The following OXR1 variants were observed in gnomAD, a reference collection of about 807,000 sequenced individuals.
The protein encoded by OXR1 is oxidation resistance protein 1.
A neutral mutation model predicts 104.6 loss-of-function variants in OXR1; 41 were observed. The ratio of observed to expected loss-of-function variants is 0.39; its 90% CI spans 0.31 to 0.51. The LOEUF is 0.51. Among genes scored for constraint, OXR1 ranks in the 20% least tolerant of loss-of-function variants. The pLI is 0.77. For synonymous variants in OXR1, 348 were observed against 348.4 expected, an observed-to-expected ratio of 1.00 and a Z score of 0.01; for missense variants, 955 against 1,031.9, an observed-to-expected ratio of 0.93 and a Z score of 1.02.
intron 1 of OXR1, among the ~76,000 whole-genome samples, chr8:106,321,390 G>C (rs9297379): frequency 0.33 from 49,925 of 151,984 alleles, 10,889 homozygotes; most frequent in African/African-American, 0.63. Flanking sequence ...GACAGTGGAC[G>C]TGTGACTGGT....
intron 2 of OXR1, among the ~76,000 whole-genome samples, chr8:106,484,673 T>G (rs1319011709): frequency 6.6e-6 from 1 of 151,952 alleles, no homozygotes; most frequent in African/African-American, 2.4e-5. Flanking sequence ...CACTACCAAA[T>G]GCTGACAAGG....
intron 3 of OXR1, among the ~76,000 whole-genome samples, chr8:106,648,183 T>C (rs925086630): frequency 6.6e-6 from 1 of 152,240 alleles, no homozygotes; most frequent in Admixed American, 6.5e-5. Context: ...TCATGTCATC[T>C]TCAGTAAAAG....
At chr8:106,532,508 A>T (rs1814172428) in intron 3 of OXR1, among the ~76,000 whole-genome samples, 1 of 152,230 alleles carries the variant, frequency 6.6e-6, no homozygotes, top group Non-Finnish European at 1.5e-5. Flanking sequence ...TAAATTGCTT[A>T]AATGATCCTG....
chr8:106,298,060 T>A (rs1175053981), intron 1 of OXR1, among the ~76,000 whole-genome samples: 1 of 152,172 alleles, frequency 6.6e-6, no homozygotes, highest in Non-Finnish European at 1.5e-5. Context: ...TCAACAGCAA[T>A]TTTTCTTATA....
intron 3 of OXR1, among the ~76,000 whole-genome samples, chr8:106,549,244 A>T (rs921627): frequency 0.019 from 2,783 of 144,120 alleles, 72 homozygotes; most frequent in African/African-American, 0.051. Context: ...CATATCAAAC[A>T]TTTTTTTTTT....
Position 106,362,207 on chromosome 8 carries a change from A to G in OXR1, c.23+2571A>G, listed in dbSNP as rs1448248280. On this transcript the variant is annotated intron_variant, in intron 2 of 16. Coordinates refer to ENST00000517566, the MANE Select transcript of OXR1 (RefSeq NM_001198533.2). ...TTGTCAATGTTACCACTGAGCTTCTAGTCAAAACTTCCTGCAATCTGTGAA... is the reference window on the plus strand; with the variant it reads ...TTGTCAATGTTACCACTGAGCTTCTGGTCAAAACTTCCTGCAATCTGTGAA... 2.6e-5 allele frequency among the ~76,000 whole-genome samples: 4 copies of G among 152,294 alleles called. No homozygotes were observed. The South Asian group carries it at 6.2e-4, about 24-fold the overall frequency.
intron 3 of OXR1, among the ~76,000 whole-genome samples, chr8:106,596,354 G>A (rs540302038): frequency 1.3e-5 from 2 of 152,110 alleles, no homozygotes; most frequent in Non-Finnish European, 2.9e-5. Flanking sequence ...GCTGAGGCAT[G>A]AGAATCACTT....
At chr8:106,450,233 G>A (rs1230366269) in intron 2 of OXR1, among the ~76,000 whole-genome samples, 2 of 152,082 alleles carry the variant, frequency 1.3e-5, no homozygotes, top group African/African-American at 4.8e-5. Flanking sequence ...TCCTCATAAC[G>A]CTGCAATTTC....
At chr8:106,339,519 A>AAAAAATAT (rs869120573) in intron 1 of OXR1, among the ~76,000 whole-genome samples, 7 of 33,338 alleles carry the variant, frequency 2.1e-4, no homozygotes, top group Admixed American at 6.0e-4. Flanking sequence ...AAAAAAAAAA[A>AAAAAATAT]ATATATATAT....
chr8:106,609,165 T>C (rs1293799538), intron 3 of OXR1, among the ~76,000 whole-genome samples: 4 of 152,070 alleles, frequency 2.6e-5, no homozygotes, highest in African/African-American at 9.7e-5. Flanking sequence ...TCCCAGCACT[T>C]TGAGAGGCTG....
rs370009545 is a variant in OXR1, at chr8:106,322,340, T to C, written c.-138-37136T>C. Among the ~76,000 whole-genome samples the C allele has an allele frequency of 2.6e-5, 4 of 152,242 alleles. No homozygotes were observed. The East Asian group carries it at 5.8e-4, about 22-fold the overall frequency. On this transcript the variant is annotated intron_variant, in intron 1 of 16. Transcript: ENST00000517566. ...ACATGCAAAAAGGCTTTCGATAAAA[T>C]TCAACACCCCTTCATGTTAAATACT...
At chr8:106,461,594 G>A (rs1013438626) in intron 2 of OXR1, among the ~76,000 whole-genome samples, 3 of 151,962 alleles carry the variant, frequency 2.0e-5, no homozygotes, top group Non-Finnish European at 4.4e-5. Context: ...AAGGAATTTT[G>A]GAGAGGAATC....
Position 106,612,269 on chromosome 8 carries a change from A to G in OXR1, c.221-66941A>G, listed in dbSNP as rs1563642536. 5.3e-5 allele frequency among the ~76,000 whole-genome samples: 8 copies of G among 152,304 alleles called. No individual in the cohort carries two copies. In the South Asian group the frequency reaches 1.7e-3, roughly 32 times the overall value. ...TAGAAAGGAAACTGGAGAAGAAAAT[A>G]ATATGGAAATGAAATAGTATATATA... On this transcript the variant is annotated intron_variant, in intron 3 of 16. Transcript: ENST00000517566.
At chr8:106,392,675 G>C (rs994575732) in intron 2 of OXR1, among the ~76,000 whole-genome samples, 1 of 152,096 alleles carries the variant, frequency 6.6e-6, no homozygotes, top group Admixed American at 6.6e-5. Context: ...TAACCAAGAA[G>C]CTTCAGAATG....
intron 1 of OXR1, among the ~76,000 whole-genome samples, chr8:106,320,772 A>G (rs1814183104): frequency 6.6e-6 from 1 of 152,026 alleles, no homozygotes; most frequent in Admixed American, 6.6e-5. Flanking sequence ...CCTGGGTTCA[A>G]GTGATTCTTG....
At chr8:106,286,503 G>A (rs775898235) in intron 1 of OXR1, among the ~76,000 whole-genome samples, 2 of 151,610 alleles carry the variant, frequency 1.3e-5, no homozygotes, top group African/African-American at 2.4e-5. Context: ...AATTTCTGTT[G>A]CCCTGAGCCA....
chr8:106,611,091 G>A (rs1038611632), intron 3 of OXR1, among the ~76,000 whole-genome samples: 5 of 152,160 alleles, frequency 3.3e-5, no homozygotes, highest in African/African-American at 1.2e-4. Context: ...GTGATAAGTG[G>A]TACGAAGAAG....
At chr8:106,448,790 A>G (rs934439292) in intron 2 of OXR1, among the ~76,000 whole-genome samples, 7 of 152,180 alleles carry the variant, frequency 4.6e-5, no homozygotes, top group Admixed American at 6.5e-5. Context: ...TACCACCCCC[A>G]GAAGCAAACT....
At chr8:106,550,670 TTC>T (rs1815732727) in intron 3 of OXR1, among the ~76,000 whole-genome samples, 2 of 152,166 alleles carry the variant, frequency 1.3e-5, no homozygotes, top group Non-Finnish European at 2.9e-5. Flanking sequence ...CTCTTGATCA[TTC>T]TCTCTCACCT....
Sources: gnomAD v4.1 joint callset for allele counts (sites outside exome capture counted in the v4.1 genomes callset) on GRCh38, gnomAD v4.1.1 for gene constraint, MANE v1.5 for transcripts, NCBI Gene and HGNC (gene_info 2026-07-23, HGNC 2026-07-21) for gene names.